NEDD9: variants seen among roughly 807,000 people sequenced by gnomAD.
NEDD9 encodes enhancer of filamentation 1.
In NEDD9, 26 loss-of-function variants were observed where a neutral mutation model predicts 76.6. That is an observed-to-expected ratio of 0.34 (90% CI 0.25 to 0.47). The LOEUF (loss-of-function observed/expected upper bound fraction) is 0.47. Among genes scored for constraint, NEDD9 ranks in the 20% least tolerant of loss-of-function variants. NEDD9 has a pLI of 1.00. For synonymous variants in NEDD9, 392 were observed against 414.2 expected (o/e 0.95, Z 0.65); for missense variants, 937 against 1,058.5 (o/e 0.89, Z 1.59).
At chr6:11,235,947 G>C (rs779650817), upstream of NEDD9, among the ~76,000 whole-genome samples, 5 of 152,148 alleles carry the variant, frequency 3.3e-5, no homozygotes, top group Non-Finnish European at 7.4e-5. The surrounding 1 kb of genome is among the most constrained non-coding windows in gnomAD (Gnocchi z 4.1). Context: ...TCTCCGGTTT[G>C]TTAAACACTC....
intron 3 of NEDD9, among the ~76,000 whole-genome samples, chr6:11,289,257 T>C (rs1760712650): frequency 6.6e-6 from 1 of 152,280 alleles, no homozygotes; most frequent in Non-Finnish European, 1.5e-5. Context: ...ATTCTTCCAC[T>C]GTACTCTTTT....
intron 1 of NEDD9, among the ~76,000 whole-genome samples, chr6:11,376,623 T>C (rs1231766140): frequency 1.3e-5 from 2 of 152,072 alleles, no homozygotes; most frequent in African/African-American, 2.4e-5. Context: ...CTAAATCAGA[T>C]ATGGGAGCAA....
At position 11,241,915 on chromosome 6, in the gene NEDD9, G is replaced by T. The variant is rs1360074698; in HGVS notation, c.13-28188C>A. ...ATGAAAGGAATCCGGATAATACAAG[G>T]CCTGGTGGAGAGGCGGGTGAGAGGA... On this transcript the variant is annotated intron_variant, in intron 3 of 3. Coordinates refer to the NEDD9 transcript ENST00000397378. This position sits in a 1 kb window ranked among gnomAD's most constrained non-coding sequence, Gnocchi z 4.0. Among the ~76,000 whole-genome samples, 1 of 152,232 alleles carries T rather than the reference G, an allele frequency of 6.6e-6. No homozygotes were observed. The highest frequency in any genetic ancestry group is 6.5e-5 in the Admixed American group (1 of 15,288).
At chr6:11,310,387 G>A (rs1038048479) in intron 2 of NEDD9, among the ~76,000 whole-genome samples, 9 of 152,220 alleles carry the variant, frequency 5.9e-5, no homozygotes, top group Admixed American at 1.3e-4. Context: ...CCTCCTTGCC[G>A]TTTGTCCTTT....
At chr6:11,357,920 C>T (rs909637) in intron 1 of NEDD9, among the ~76,000 whole-genome samples, 65,143 of 151,968 alleles carry the variant, frequency 0.43, 14,338 homozygotes, top group African/African-American at 0.47. Context: ...CCCAGGCAGT[C>T]CCTGTGGGTC....
intron 4 of NEDD9, 124 bp from the exon 5 acceptor site, chr6:11,191,329 CA>C: frequency 2.0e-6 from 2 of 994,996 alleles, no homozygotes; most frequent in Non-Finnish European, 2.9e-6. Flanking sequence ...CAATGTTAGG[CA>C]CTTCCAAGGT....
chr6:11,186,542 G>A (rs1007681962), intron 6 of NEDD9, among the ~76,000 whole-genome samples: 3 of 152,224 alleles, frequency 2.0e-5, no homozygotes, highest in Admixed American at 6.5e-5. Flanking sequence ...CCACCTGGAC[G>A]TAGGGATGAG....
At chr6:11,312,470 A>G (rs889714245) in intron 2 of NEDD9, among the ~76,000 whole-genome samples, 7 of 151,994 alleles carry the variant, frequency 4.6e-5, no homozygotes, top group African/African-American at 1.7e-4. Context: ...GGCCACTTCC[A>G]TTCTCATCTG....
At chr6:11,281,910 G>C (rs1187873871) in intron 3 of NEDD9, among the ~76,000 whole-genome samples, 1 of 151,966 alleles carries the variant, frequency 6.6e-6, no homozygotes, top group Non-Finnish European at 1.5e-5. Flanking sequence ...ACCCCAACCA[G>C]CTAATTTTTG....
chr6:11,346,422 AG>A (rs1328343106), intron 1 of NEDD9, among the ~76,000 whole-genome samples: 1 of 151,810 alleles, frequency 6.6e-6, no homozygotes, highest in East Asian at 1.9e-4. Context: ...CTGTTAATTA[AG>A]GGAACAAATG....
intron 1 of NEDD9, among the ~76,000 whole-genome samples, chr6:11,343,631 C>T (rs1472679189): frequency 6.6e-6 from 1 of 152,064 alleles, no homozygotes; most frequent in Non-Finnish European, 1.5e-5. Context: ...TGGACCATAC[C>T]AAGAACAGTG....
At chr6:11,340,890 A>G (rs1350543168) in intron 1 of NEDD9, among the ~76,000 whole-genome samples, 2 of 152,188 alleles carry the variant, frequency 1.3e-5, no homozygotes, top group East Asian at 1.9e-4. Flanking sequence ...ATAATGGCCT[A>G]TGAAGCCAAA....
intron 1 of NEDD9, among the ~76,000 whole-genome samples, chr6:11,355,967 C>A (rs1016859773): frequency 1.2e-4 from 18 of 152,134 alleles, no homozygotes; most frequent in Non-Finnish European, 8.8e-5. Context: ...GTGATCTGCC[C>A]ACCTTGGCCT....
At chr6:11,209,970 C>CTTTTTTTTTTGTTTTTTTTTTTTTTT (rs752612102) in intron 2 of NEDD9, among the ~76,000 whole-genome samples, 1 of 131,072 alleles carries the variant, frequency 7.6e-6, no homozygotes, top group African/African-American at 2.8e-5. Context: ...AATTCACTGT[C>CTTTTTTTTTTGTTTTTTTTTTTTTTT]TTTTTTTTTT....
At chr6:11,194,070 G>A (rs1208030337) in intron 2 of NEDD9, among the ~76,000 whole-genome samples, 1 of 151,868 alleles carries the variant, frequency 6.6e-6, no homozygotes, top group Non-Finnish European at 1.5e-5. Context: ...CATGTTGGCT[G>A]GTCTCAAACT....
intron 1 of NEDD9, among the ~76,000 whole-genome samples, chr6:11,373,154 A>T (rs9469016): frequency 0.093 from 7,819 of 83,862 alleles, 662 homozygotes; most frequent in African/African-American, 0.27. Flanking sequence ...CATAAAAATT[A>T]AAAAAAAAAA....
intron 3 of NEDD9, among the ~76,000 whole-genome samples, chr6:11,240,673 C>T (rs1038217299): frequency 2.6e-5 from 4 of 152,082 alleles, no homozygotes; most frequent in African/African-American, 7.2e-5. Flanking sequence ...AATTGAAAAA[C>T]GTTGACAGAT....
At chr6:11,330,127 G>A (rs188171399) in intron 2 of NEDD9, among the ~76,000 whole-genome samples, 2 of 152,172 alleles carry the variant, frequency 1.3e-5, no homozygotes, top group African/African-American at 2.4e-5. Flanking sequence ...AATTGTAATC[G>A]TCCCATGCAA....
chr6:11,192,284 C>T, intron 4 of NEDD9, 61 bp downstream of exon 4: 1 of 391,724 alleles, frequency 2.6e-6, no homozygotes, highest in Non-Finnish European at 4.2e-6. Flanking sequence ...CAACCCTGCA[C>T]CCCCCGACAC....
Sources: gnomAD v4.1 joint callset for allele counts (sites outside exome capture counted in the v4.1 genomes callset) on GRCh38, gnomAD v4.1.1 for gene constraint, Gnocchi (gnomAD v3.1) non-coding constraint, MANE v1.5 for transcripts, NCBI Gene and HGNC (gene_info 2026-07-23, HGNC 2026-07-21) for gene names.